The following STIP1 variants were observed in gnomAD, a reference collection of about 807,000 sequenced individuals.
The protein encoded by STIP1 is stress induced phosphoprotein 1.
A neutral mutation model predicts 77.4 loss-of-function variants in STIP1; 16 were observed. That is an observed-to-expected ratio of 0.21 (90% CI 0.14 to 0.31). The LOEUF is 0.31. STIP1 is among the 10% of genes least tolerant of loss of function. The pLI is 1.00. For synonymous variants in STIP1, 258 were observed against 246.6 expected (o/e 1.05, Z -0.44); for missense variants, 524 against 684.8 (o/e 0.77, Z 2.62).
chr11:64,189,024 G>T (rs2134781959), intron 1 of STIP1, among the ~76,000 whole-genome samples: 1 of 152,312 alleles, frequency 6.6e-6, no homozygotes, highest in Non-Finnish European at 1.5e-5. Flanking sequence ...AGACCAACCT[G>T]TCCAGCATGG....
chr11:64,185,628 C>A (rs968636779), upstream of STIP1: 6 of 676,384 alleles, frequency 8.9e-6, no homozygotes, highest in Non-Finnish European at 1.4e-5. Context: ...CACTCGGGAG[C>A]GAGAGGGAAA....
At chr11:64,185,800 C>T (rs1946005656), upstream of STIP1, 2 of 1,535,532 alleles carry the variant, frequency 1.3e-6, no homozygotes, top group East Asian at 2.4e-5. Flanking sequence ...ATTGGAATCG[C>T]TCTCATTCTG....
chr11:64,191,125 TGTG>T, intron 1 of STIP1, among the ~76,000 whole-genome samples: 1 of 148,068 alleles, frequency 6.8e-6, no homozygotes, highest in South Asian at 2.1e-4. Context: ...AGGCAGAGGT[TGTG>T]GTGAGGCAAG....
At chr11:64,186,564 CT>C (rs1946020607) in intron 1 of STIP1, 1 of 163,836 alleles carries the variant, frequency 6.1e-6, no homozygotes, top group Non-Finnish European at 1.2e-5. Flanking sequence ...CGACCGGGCC[CT>C]GAAGGCGTCC....
chr11:64,198,752 G>GT (rs1565281949), intron 8 of STIP1, among the ~76,000 whole-genome samples: 25 of 91,856 alleles, frequency 2.7e-4, no homozygotes, highest in African/African-American at 4.9e-4. Context: ...TTTTTTTTGT[G>GT]GTTTTTTTTT....
In STIP1 at chr11:64,203,219, C is replaced by T. The variant is rs763712924; in HGVS notation, c.1377C>T (p.Ser459=). 9.9e-6 allele frequency: 16 copies of T among 1,613,928 alleles called. No homozygotes were observed. The highest frequency in any genetic ancestry group is 1.4e-5 in the Non-Finnish European group (16 of 1,180,034). The part of the protein sequence containing the change: ...DVYQKALDLD[S]SCKEAADGYQ... ...ACCAGAAGGCGCTAGACCTGGACTC[C>T]AGCTGTAAGGTGGGGCTGCTTCTGG... The change falls in exon 12 of 14, where the codon TCC becomes TCT. Residue 459 remains serine (S), a synonymous_variant. Coordinates refer to ENST00000305218, the MANE Select transcript of STIP1 (RefSeq NM_006819.3).
rs1180425524 is a variant in STIP1 at position 64,195,505 on chromosome 11, G to A, written c.504-140G>A. ...TATTTCTCAATTGTAACTCATGAGTGGTGCAAAATCTAGCCATCTTTTGAT... is the reference window on the plus strand; with the variant it reads ...TATTTCTCAATTGTAACTCATGAGTAGTGCAAAATCTAGCCATCTTTTGAT... On this transcript the variant is annotated intron_variant, in intron 4 of 13. Transcript: ENST00000305218. 16 of 759,896 alleles carry A rather than the reference G, an allele frequency of 2.1e-5. No individual in the cohort carries two copies. In the East Asian group the frequency reaches 2.7e-4, roughly 13 times the overall value. 47.1% of individuals were successfully genotyped at this position (759,896 alleles called of 1,614,324 possible).
At chr11:64,196,057 G>A (rs1946146935) in intron 5 of STIP1, among the ~76,000 whole-genome samples, 1 of 152,046 alleles carries the variant, frequency 6.6e-6, no homozygotes, top group African/African-American at 2.4e-5. Flanking sequence ...TTTAGTATGC[G>A]CTAAGCTTAT....
At position 64,203,416 on chromosome 11, in the gene STIP1, A is replaced by G. The variant is rs79375330; in HGVS notation, c.1387-34A>G. 2.2e-3 allele frequency: 3,505 copies of G among 1,613,130 alleles called. 108 individuals are homozygous for G. In the East Asian group the frequency reaches 0.065, roughly 30 times the overall value. On this transcript the variant is annotated intron_variant, in intron 12 of 13. Transcript: ENST00000305218. ...CTGAAGCAGTGAGCTGGGTGGTCCT[A>G]ACACGCTTCACCTTTGTCTCTTCTG... is the stretch of plus-strand genomic sequence containing the variant.
rs201678090 is a variant in STIP1 at position 64,197,583 on chromosome 11, G to A, written c.890G>A (p.Arg297Gln). Residue 297 changes from arginine to glutamine, a missense_variant, in exon 7 of 14, where the codon CGA (arginine) becomes CAA (glutamine). Coordinates refer to ENST00000305218, the MANE Select transcript of STIP1 (RefSeq NM_006819.3). The part of the protein sequence containing the change: ...EVGRENREDY[R>Q]QIAKAYARIG... The stretch of plus-strand genomic sequence containing the variant: ...GGGAGAGAAAACCGAGAAGACTATC[G>A]ACAGATTGCCAAGTAGGCTCAACCT... The A allele has an allele frequency of 2.5e-6, 4 of 1,614,098 alleles. No individual in the cohort carries two copies. The highest frequency in any genetic ancestry group is 2.2e-5 in the East Asian group (1 of 44,888).
chr11:64,203,308 T>C, intron 12 of STIP1, 80 bp downstream of exon 12: 2 of 1,587,628 alleles, frequency 1.3e-6, no homozygotes, highest in Non-Finnish European at 1.7e-6. Context: ...CCCTGATTTC[T>C]TCCCTGTCAC....
intron 1 of STIP1, among the ~76,000 whole-genome samples, chr11:64,188,826 T>G (rs1371022770): frequency 6.6e-6 from 1 of 152,236 alleles, no homozygotes; most frequent in African/African-American, 2.4e-5. Flanking sequence ...CAGGTGTGTT[T>G]GAGCCCACCA....
upstream of STIP1, chr11:64,185,635 G>A (rs992154259): frequency 4.9e-5 from 36 of 730,384 alleles, no homozygotes; most frequent in Non-Finnish European, 6.9e-5. Flanking sequence ...GAGCGAGAGG[G>A]AAAGCAACCC....
intron 1 of STIP1, 55 bp downstream of exon 1, chr11:64,186,325 CCAGGCCGCGG>C: frequency 7.0e-7 from 1 of 1,422,282 alleles, no homozygotes; most frequent in Non-Finnish European, 9.3e-7. Context: ...CCGGCGGTGG[CCAGGCCGCGG>C]TAGGGGGGCG....
At chr11:64,193,468 G>A (rs1946114692) in intron 2 of STIP1, 181 bp downstream of exon 2, 1 of 626,456 alleles carries the variant, frequency 1.6e-6, no homozygotes, top group Non-Finnish European at 2.8e-6. Flanking sequence ...TGTAATACAG[G>A]CTTTATTTTT....
intron 1 of STIP1, among the ~76,000 whole-genome samples, chr11:64,187,436 C>G (rs1946036316): frequency 6.6e-6 from 1 of 152,068 alleles, no homozygotes; most frequent in Non-Finnish European, 1.5e-5. Context: ...AAACTAAGAT[C>G]GCCCACACTC....
At chr11:64,191,434 C>A (rs1281463023) in intron 1 of STIP1, among the ~76,000 whole-genome samples, 1 of 150,560 alleles carries the variant, frequency 6.6e-6, no homozygotes, top group Non-Finnish European at 1.5e-5. Flanking sequence ...GGTGAAACTC[C>A]ATCTCTACTA....
In STIP1 at chr11:64,193,307, G is replaced by C; in HGVS notation, c.219+20G>C. The C allele has an allele frequency of 6.2e-7, 1 of 1,613,376 alleles. No homozygotes were observed. Among genetic ancestry groups the C allele is most frequent in the South Asian group, 1.1e-5 (1 of 91,024 alleles). ...GGCAAGGTCAGCTGTGGGCAGTGGA[G>C]GGAGAGAGGCCCTTCAGACCCTTCC... is the stretch of plus-strand genomic sequence containing the variant. On this transcript the variant is annotated intron_variant, in intron 2 of 13. Coordinates refer to ENST00000305218, the MANE Select transcript of STIP1 (RefSeq NM_006819.3).
chr11:64,185,465 G>C (rs1166802806), upstream of STIP1: 1 of 298,856 alleles, frequency 3.3e-6, no homozygotes, highest in Non-Finnish European at 6.4e-6. Flanking sequence ...GGAGGCAGGA[G>C]GGCCGGGCCG....
Sources: allele counts gnomAD v4.1 joint callset (sites outside exome capture counted in the v4.1 genomes callset), GRCh38; gene constraint gnomAD v4.1.1; transcripts MANE v1.5; gene names NCBI Gene and HGNC (gene_info 2026-07-23, HGNC 2026-07-21).